Variants in DLGAP2 observed in about 807,000 individuals in gnomAD.
DLGAP2 encodes the protein DLG associated protein 2.
DLGAP2 carries 26 observed loss-of-function variants against 100.3 expected under a neutral mutation model. The ratio of observed to expected loss-of-function variants is 0.26; its 90% CI spans 0.19 to 0.36. The LOEUF (loss-of-function observed/expected upper bound fraction) is 0.36. Ranked by LOEUF, DLGAP2 falls within the 10% of genes least tolerant of loss-of-function variation. The pLI is 1.00. For missense variants in DLGAP2, 1,858 were observed against 1,453.2 expected (o/e 1.28, Z -4.53); for synonymous variants, 886 against 630.1 (o/e 1.41, Z -6.08).
intron 2 of DLGAP2, among the ~76,000 whole-genome samples, chr8:1,172,051 C>T (rs954708465): frequency 6.6e-6 from 1 of 152,014 alleles, no homozygotes; most frequent in African/African-American, 2.4e-5. Flanking sequence ...TTAGTGCTTC[C>T]TTCAGGAGCT....
chr8:1,147,784 A>G (rs935932700), intron 2 of DLGAP2, among the ~76,000 whole-genome samples: 4 of 152,122 alleles, frequency 2.6e-5, no homozygotes, highest in East Asian at 1.9e-4. Flanking sequence ...TGACTTCCCA[A>G]TACAGTGGTA....
intron 2 of DLGAP2, 39 bp from the exon 3 acceptor site, chr8:1,258,812 C>A (rs568210021): frequency 4.1e-6 from 5 of 1,231,242 alleles, no homozygotes; most frequent in East Asian, 3.2e-5. Flanking sequence ...TGGTTGAGAC[C>A]CTGTGGGTGT....
At chr8:1,269,920 C>T (rs574287305) in intron 3 of DLGAP2, among the ~76,000 whole-genome samples, 61 of 152,318 alleles carry the variant, frequency 4.0e-4, no homozygotes, top group African/African-American at 1.3e-3. Flanking sequence ...ATCTTCATCT[C>T]CTCTTCATGG....
chr8:1,213,607 G>A (rs1327096837), intron 2 of DLGAP2, among the ~76,000 whole-genome samples: 1 of 152,142 alleles, frequency 6.6e-6, no homozygotes, highest in Non-Finnish European at 1.5e-5. Context: ...GATAGCAGGG[G>A]TAAGCAGCGT....
chr8:1,184,006 C>G (rs1204306233), intron 2 of DLGAP2, among the ~76,000 whole-genome samples: 1 of 152,180 alleles, frequency 6.6e-6, no homozygotes, highest in Non-Finnish European at 1.5e-5. Flanking sequence ...TAGCTTTTCA[C>G]CATGATCACT....
At chr8:1,684,124 G>C in intron 12 of DLGAP2, among the ~76,000 whole-genome samples, 1 of 150,956 alleles carries the variant, frequency 6.6e-6, no homozygotes, top group Non-Finnish European at 1.5e-5. Context: ...TGGGATTACA[G>C]CTGAATGCCC....
intron 2 of DLGAP2, among the ~76,000 whole-genome samples, chr8:919,267 C>T (rs775269623): frequency 6.6e-6 from 1 of 152,194 alleles, no homozygotes; most frequent in Admixed American, 6.5e-5. Flanking sequence ...GAAGGAAAAA[C>T]AGCCGTCCTG....
intron 2 of DLGAP2, among the ~76,000 whole-genome samples, chr8:1,012,239 TTGAC>T (rs1457591905): frequency 6.6e-6 from 1 of 152,202 alleles, no homozygotes; most frequent in African/African-American, 2.4e-5. Flanking sequence ...ACTTCCATCT[TTGAC>T]AGGCTTAAAT....
intron 2 of DLGAP2, among the ~76,000 whole-genome samples, chr8:1,071,462 C>A (rs1239440800): frequency 6.6e-6 from 1 of 152,160 alleles, no homozygotes; most frequent in Non-Finnish European, 1.5e-5. Context: ...CAGCTGTCCT[C>A]AGCTACCAGT....
At chr8:839,808 G>T (rs964985410) in intron 1 of DLGAP2, among the ~76,000 whole-genome samples, 2 of 152,226 alleles carry the variant, frequency 1.3e-5, no homozygotes, top group African/African-American at 4.8e-5. Context: ...TCAGCCTTCA[G>T]ATCTGTCTCC....
chr8:1,098,613 GCGCCGC>G (rs1804471698), intron 2 of DLGAP2, among the ~76,000 whole-genome samples: 1 of 98,016 alleles, frequency 1.0e-5, no homozygotes, highest in Admixed American at 1.0e-4. Context: ...CCGCCCACGG[GCGCCGC>G]CACCCACGCC....
chr8:859,042 A>T lies in DLGAP2; in HGVS notation c.19-48870A>T, dbSNP rs577432636. On this transcript the variant is annotated intron_variant, in intron 1 of 14. Coordinates refer to ENST00000637795, the MANE Select transcript of DLGAP2 (RefSeq NM_001346810.2). ...GCCTATAAAAAATAGTATTTTAATTAAAAAATACATCGACATTCTTATTTT... is the reference window on the plus strand; with the variant it reads ...GCCTATAAAAAATAGTATTTTAATTTAAAAATACATCGACATTCTTATTTT... Among the ~76,000 whole-genome samples the T allele has an allele frequency of 6.6e-5, 10 of 152,284 alleles. No homozygotes were observed. In the South Asian group the frequency reaches 2.1e-3, roughly 32 times the overall value.
chr8:1,092,990 C>T (rs1029001105), intron 2 of DLGAP2, among the ~76,000 whole-genome samples: 5 of 152,170 alleles, frequency 3.3e-5, no homozygotes, highest in Non-Finnish European at 7.4e-5. Flanking sequence ...GGCTGCGGGT[C>T]CGAAATCCCC....
intron 2 of DLGAP2, among the ~76,000 whole-genome samples, chr8:1,101,674 C>T (rs560301278): frequency 6.6e-6 from 1 of 150,984 alleles, no homozygotes; most frequent in East Asian, 2.0e-4. Flanking sequence ...ACCCCTGAGC[C>T]GAACACGACA....
intron 5 of DLGAP2, among the ~76,000 whole-genome samples, chr8:1,551,802 T>C (rs1437975841): frequency 1.3e-5 from 2 of 151,948 alleles, no homozygotes; most frequent in Non-Finnish European, 2.9e-5. Context: ...GAATGATGAG[T>C]ACGCTTTCTT....
intron 2 of DLGAP2, among the ~76,000 whole-genome samples, chr8:1,066,286 G>T (rs1226287195): frequency 6.7e-6 from 1 of 150,354 alleles, no homozygotes; most frequent in Non-Finnish European, 1.5e-5. Flanking sequence ...CCCCACCACG[G>T]TCAGGTCTGA....
chr8:958,576 G>C (rs536933270), intron 2 of DLGAP2, among the ~76,000 whole-genome samples: 105 of 89,224 alleles, frequency 1.2e-3, no homozygotes, highest in African/African-American at 5.0e-3. Flanking sequence ...AATTAAACTA[G>C]ACCTCCAAAA....
chr8:1,072,901 C>G (rs895350747), intron 2 of DLGAP2, among the ~76,000 whole-genome samples: 3 of 152,208 alleles, frequency 2.0e-5, no homozygotes, highest in African/African-American at 7.2e-5. Context: ...GGATTTCTCC[C>G]TGCTGGCTGA....
intron 6 of DLGAP2, among the ~76,000 whole-genome samples, chr8:1,624,150 A>T (rs919452287): frequency 6.6e-6 from 1 of 152,216 alleles, no homozygotes; most frequent in Admixed American, 6.5e-5. Context: ...GGCAGCTTCA[A>T]TTTGAGAATG....
Sources: gnomAD v4.1 joint callset for allele counts (sites outside exome capture counted in the v4.1 genomes callset) on GRCh38, gnomAD v4.1.1 for gene constraint, MANE v1.5 for transcripts, NCBI Gene and HGNC (gene_info 2026-07-23, HGNC 2026-07-21) for gene names.